Variants in CERS6 observed in about 807,000 individuals in gnomAD.
CERS6 encodes LAG1 homolog, ceramide synthase 6.
Under a neutral mutation model 56.8 loss-of-function variants are expected in CERS6, and 26 were observed. The ratio of observed to expected loss-of-function variants is 0.46; its 90% CI spans 0.34 to 0.63. CERS6 has a LOEUF of 0.63. Ranked by LOEUF, CERS6 falls within the 30% of genes least tolerant of loss-of-function variation. The pLI is 0.01. For synonymous variants in CERS6, 164 were observed against 173.3 expected, an observed-to-expected ratio of 0.95 and a Z score of 0.42; for missense variants, 415 against 467.5, an observed-to-expected ratio of 0.89 and a Z score of 1.04.
intron 1 of CERS6, among the ~76,000 whole-genome samples, chr2:168,545,903 A>G (rs1253869163): frequency 6.7e-6 from 1 of 148,506 alleles, no homozygotes; most frequent in African/African-American, 2.5e-5. Context: ...GAAGGGGAGG[A>G]TGAGGGAGGG....
At chr2:168,735,159 A>G (rs886273045) in intron 8 of CERS6, among the ~76,000 whole-genome samples, 2 of 152,190 alleles carry the variant, frequency 1.3e-5, no homozygotes, top group Non-Finnish European at 2.9e-5. Flanking sequence ...TCCTCAATTG[A>G]ACAGTATTGG....
At chr2:168,646,114 A>G (rs151190526) in intron 4 of CERS6, among the ~76,000 whole-genome samples, 5,514 of 152,280 alleles carry the variant, frequency 0.036, 341 homozygotes, top group African/African-American at 0.12. Flanking sequence ...AGGAATTGCC[A>G]TACTGCTTTC....
chr2:168,563,273 A>G (rs1482909905), intron 3 of CERS6, among the ~76,000 whole-genome samples: 1 of 152,178 alleles, frequency 6.6e-6, no homozygotes, highest in African/African-American at 2.4e-5. Context: ...TTCTCCATGA[A>G]TTCAGCAGGT....
chr2:168,739,801 A>G (rs1377631225), intron 8 of CERS6, among the ~76,000 whole-genome samples: 3 of 151,712 alleles, frequency 2.0e-5, no homozygotes, highest in Admixed American at 6.6e-5. Flanking sequence ...GCTGTAGTAC[A>G]ATGGCACCAT....
intron 3 of CERS6, among the ~76,000 whole-genome samples, chr2:168,587,095 C>T (rs1683562310): frequency 6.6e-6 from 1 of 151,970 alleles, no homozygotes; most frequent in South Asian, 2.1e-4. Context: ...ATGAGAGTCC[C>T]TTGAACCTGG....
chr2:168,525,590 T>TG (rs1453229061), intron 1 of CERS6, among the ~76,000 whole-genome samples: 1 of 152,204 alleles, frequency 6.6e-6, no homozygotes, highest in Non-Finnish European at 1.5e-5. Context: ...TTGAGGAAAT[T>TG]TAAACATTCA....
At chr2:168,694,555 A>G (rs1043130019) in intron 5 of CERS6, among the ~76,000 whole-genome samples, 2 of 152,210 alleles carry the variant, frequency 1.3e-5, no homozygotes, top group Non-Finnish European at 2.9e-5. Flanking sequence ...CCCATACAGC[A>G]TTCCAGTTCC....
At chr2:168,584,905 A>C (rs1683505157) in intron 3 of CERS6, among the ~76,000 whole-genome samples, 1 of 152,250 alleles carries the variant, frequency 6.6e-6, no homozygotes, top group Admixed American at 6.5e-5. Flanking sequence ...AGTAGAAAAT[A>C]TGTAAGTGAA....
chr2:168,529,590 CAT>C (rs1482321684), intron 1 of CERS6, among the ~76,000 whole-genome samples: 1 of 152,126 alleles, frequency 6.6e-6, no homozygotes, highest in Non-Finnish European at 1.5e-5. Context: ...GACTCATAAA[CAT>C]GTGTCACCAA....
chr2:168,494,775 A>G (rs1268067425), intron 1 of CERS6, among the ~76,000 whole-genome samples: 1 of 152,126 alleles, frequency 6.6e-6, no homozygotes, highest in Non-Finnish European at 1.5e-5. Flanking sequence ...TGGAATATCG[A>G]TAGCTTTTTC....
intron 8 of CERS6, among the ~76,000 whole-genome samples, chr2:168,760,378 C>T (rs556188429): frequency 4.8e-4 from 73 of 152,198 alleles, no homozygotes; most frequent in African/African-American, 9.2e-4. Context: ...CATGTTTCTG[C>T]CTGCTTTATA....
At position 168,769,727 on chromosome 2, in the gene CERS6, C is replaced by A; in HGVS notation, c.*65C>A. The A allele has an allele frequency of 6.5e-7, 1 of 1,529,878 alleles. No homozygotes were observed. The highest frequency in any genetic ancestry group is 8.9e-7 in the Non-Finnish European group (1 of 1,120,200). The allele number at this position is 1,529,878 out of a possible 1,614,324, so 94.8% of individuals were successfully genotyped here. A position where few individuals can be genotyped will look rare whatever the true frequency, so the allele number is the denominator to read the frequency against. ...GTTCCTGGAAGTATTTAATAAGTTG[C>A]AAATGCAGTTCCTTTCATAATATCT... On this transcript the variant is annotated 3_prime_UTR_variant, in exon 10 of 10. Transcript: ENST00000305747.
At chr2:168,549,377 C>T (rs1470299201) in intron 2 of CERS6, among the ~76,000 whole-genome samples, 1 of 152,124 alleles carries the variant, frequency 6.6e-6, no homozygotes, top group Non-Finnish European at 1.5e-5. Context: ...TGGCTCACGC[C>T]TGTAATGCCA....
intron 4 of CERS6, among the ~76,000 whole-genome samples, chr2:168,634,708 C>A (rs934212290): frequency 6.6e-6 from 1 of 152,128 alleles, no homozygotes; most frequent in Non-Finnish European, 1.5e-5. Flanking sequence ...CCACCACACC[C>A]GACACATGTG....
At chr2:168,631,713 A>T (rs1684742814) in intron 4 of CERS6, among the ~76,000 whole-genome samples, 1 of 114,876 alleles carries the variant, frequency 8.7e-6, no homozygotes, top group East Asian at 2.3e-4. Context: ...TATTTATATT[A>T]TATTTATATT....
chr2:168,533,809 T>C (rs1395777341), intron 1 of CERS6, among the ~76,000 whole-genome samples: 1 of 152,152 alleles, frequency 6.6e-6, no homozygotes, highest in Non-Finnish European at 1.5e-5. Context: ...GAAGTGTGTT[T>C]TCCAGCTTGT....
At chr2:168,560,489 A>G (rs574100131) in intron 2 of CERS6, among the ~76,000 whole-genome samples, 1 of 152,330 alleles carries the variant, frequency 6.6e-6, no homozygotes, top group African/African-American at 2.4e-5. Context: ...ACAAGTGCCT[A>G]TCATTTCAGG....
intron 3 of CERS6, among the ~76,000 whole-genome samples, chr2:168,569,504 T>A (rs1695942909): frequency 6.6e-6 from 1 of 152,218 alleles, no homozygotes; most frequent in South Asian, 2.1e-4. Context: ...TTGGACATAT[T>A]TGAAGAGAGT....
intron 6 of CERS6, among the ~76,000 whole-genome samples, chr2:168,696,293 A>G (rs531681242): frequency 6.6e-6 from 1 of 152,264 alleles, no homozygotes; most frequent in South Asian, 2.1e-4. Flanking sequence ...ACCAAAAGTC[A>G]TGTCAGCCAG....
Sources: gnomAD v4.1 joint callset for allele counts (sites outside exome capture counted in the v4.1 genomes callset) on GRCh38, gnomAD v4.1.1 for gene constraint, MANE v1.5 for transcripts, NCBI Gene and HGNC (gene_info 2026-07-23, HGNC 2026-07-21) for gene names.